The following NETO2 variants were observed in gnomAD, a reference collection of about 807,000 sequenced individuals.
NETO2 encodes the protein neuropilin and tolloid like 2, also known as neuropilin and tolloid-like protein 2.
In NETO2, 28 loss-of-function variants were observed where a neutral mutation model predicts 62.5. That is an observed-to-expected ratio of 0.45 (90% CI 0.33 to 0.61). The LOEUF (loss-of-function observed/expected upper bound fraction) is 0.61. Ranked by LOEUF, NETO2 falls within the 20% of genes least tolerant of loss-of-function variation. The pLI is 0.02. For synonymous variants in NETO2, 214 were observed against 219.1 expected (o/e 0.98, Z 0.21); for missense variants, 548 against 643.2 (o/e 0.85, Z 1.60).
chr16:47,079,374 T>A lies in NETO2; in HGVS notation c.*3847A>T. 6.6e-6 allele frequency: 1 copy of A among 150,736 alleles called. No homozygotes were observed. 9.3% of individuals were successfully genotyped at this position (150,736 alleles called of 1,614,324 possible). ...ACTTTGGGAGGCCGAGGCGGGTGGA[T>A]CACGAGGTCAGGAGATTGAGACTAT... On this transcript the variant is annotated 3_prime_UTR_variant, in exon 9 of 9. Coordinates refer to ENST00000562435, the MANE Select transcript of NETO2 (RefSeq NM_018092.5).
At position 47,128,419 on chromosome 16, in the gene NETO2, T is replaced by G; in HGVS notation, c.387A>C (p.Leu129Phe). ...ACATGAATCTCCCTGTTGATCTAAT[T>G]AATGGAGGGCTTTTCACGCCACAGT... Reference protein sequence around the residue: ...DRYCGVKSPPLIRSTGRFMWI... With the variant: ...DRYCGVKSPPFIRSTGRFMWI... Residue 129 changes from leucine (L) to phenylalanine (F), a missense_variant, in exon 4 of 9, where the codon TTA (leucine) becomes TTC (phenylalanine). Transcript: ENST00000562435. The G allele has an allele frequency of 1.2e-6, 2 of 1,614,076 alleles. No individual in the cohort carries two copies. Among genetic ancestry groups the G allele is most frequent in the East Asian group, 4.5e-5 (2 of 44,858 alleles).
Position 47,124,467 on chromosome 16 carries a change from A to G in NETO2, c.482-1555T>C, listed in dbSNP as rs142228666. Among the ~76,000 whole-genome samples the G allele has an allele frequency of 1.2e-3, 188 of 152,312 alleles. 3 individuals carry two copies. Among genetic ancestry groups the G allele is most frequent in the East Asian group, 7.7e-4 (4 of 5,192 alleles). ...AAAAATGAACTTCTCACCATTGTTAATAGGTTTCTTCCAGATTTACCACCT... is the reference window on the plus strand; with the variant it reads ...AAAAATGAACTTCTCACCATTGTTAGTAGGTTTCTTCCAGATTTACCACCT... On this transcript the variant is annotated intron_variant, in intron 4 of 8. Coordinates refer to ENST00000562435, the MANE Select transcript of NETO2 (RefSeq NM_018092.5).
At chr16:47,105,112 G>C (rs1334153584) in intron 7 of NETO2, among the ~76,000 whole-genome samples, 1 of 151,694 alleles carries the variant, frequency 6.6e-6, no homozygotes, top group Non-Finnish European at 1.5e-5. Context: ...TGCCTAGGCT[G>C]GTCTCAAACT....
intron 7 of NETO2, among the ~76,000 whole-genome samples, chr16:47,096,727 A>C (rs1470452036): frequency 6.6e-6 from 1 of 152,252 alleles, no homozygotes; most frequent in African/African-American, 2.4e-5. Flanking sequence ...AATTAACACC[A>C]ATCAGTTGAT....
chr16:47,129,167 A>G, intron 3 of NETO2, 57 bp downstream of exon 3: 3 of 1,531,268 alleles, frequency 2.0e-6, no homozygotes, highest in Non-Finnish European at 2.7e-6. Context: ...TTTTACCAAC[A>G]TATTTAGTTT....
At chr16:47,129,130 T>G in intron 3 of NETO2, 94 bp downstream of exon 3, 1 of 1,154,320 alleles carries the variant, frequency 8.7e-7, no homozygotes, top group East Asian at 2.4e-5. Flanking sequence ...ATGTTTAAAT[T>G]TCATTCAAAC....
intron 7 of NETO2, among the ~76,000 whole-genome samples, chr16:47,087,850 T>C (rs1353975664): frequency 2.0e-5 from 3 of 152,172 alleles, no homozygotes; most frequent in African/African-American, 7.2e-5. Flanking sequence ...CTCCTGTGTG[T>C]TCCTATCACA....
intron 1 of NETO2, among the ~76,000 whole-genome samples, chr16:47,137,621 C>G (rs1004364833): frequency 2.6e-5 from 4 of 152,212 alleles, no homozygotes; most frequent in Non-Finnish European, 4.4e-5. Context: ...TGCCAGGGAC[C>G]TTGGACCTCT....
chr16:47,129,334 G>A lies in NETO2; in HGVS notation c.122C>T (p.Pro41Leu). The A allele has an allele frequency of 1.2e-6, 2 of 1,613,956 alleles. No homozygotes were observed. Among genetic ancestry groups the A allele is most frequent in the Non-Finnish European group, 1.7e-6 (2 of 1,179,940 alleles). ...AACCCAAATGCCACACTGGGTTGCA[G>A]GAATATGCTTGATTCCAATATTTTG... ...DGQNIGIKHI[P>L]ATQCGIWVRT... Residue 41 changes from proline (P) to leucine (L), a missense_variant, in exon 3 of 9, where the codon CCT (proline) becomes CTT (leucine). Physicochemically the swap from Pro to Leu is moderately conservative, Grantham distance 98 (BLOSUM62 -3). Transcript: ENST00000562435.
At position 47,128,721 on chromosome 16, in the gene NETO2, A is replaced by T. The variant is rs1023202042; in HGVS notation, c.233-148T>A. On this transcript the variant is annotated intron_variant, in intron 3 of 8. Transcript: ENST00000562435. Reference sequence around the variant, plus strand: ...AGAATTGCTATACAAGTCATGATAAATGTATCTTACATTAAAAATAATGCT... The same window carrying T: ...AGAATTGCTATACAAGTCATGATAATTGTATCTTACATTAAAAATAATGCT... The T allele has an allele frequency of 1.8e-5, 15 of 828,064 alleles. No homozygotes were observed. In the South Asian group the frequency reaches 2.5e-4, roughly 14 times the overall value. 51.3% of individuals were successfully genotyped at this position (828,064 alleles called of 1,614,324 possible).
chr16:47,133,982 C>A (rs1964320894), intron 1 of NETO2, among the ~76,000 whole-genome samples: 2 of 152,000 alleles, frequency 1.3e-5, no homozygotes, highest in Admixed American at 1.3e-4. Flanking sequence ...GTTTGCATTA[C>A]CATCTTTGAA....
chr16:47,136,594 C>T (rs1287426486), intron 1 of NETO2, among the ~76,000 whole-genome samples: 2 of 151,966 alleles, frequency 1.3e-5, no homozygotes, highest in South Asian at 2.1e-4. Context: ...TTAGTAGAGA[C>T]GGGGTTTCAC....
intron 2 of NETO2, among the ~76,000 whole-genome samples, chr16:47,131,682 A>G (rs1964268926): frequency 6.6e-6 from 1 of 152,220 alleles, no homozygotes; most frequent in Non-Finnish European, 1.5e-5. Flanking sequence ...ATTTTTGCTT[A>G]GTGATAAAAT....
chr16:47,104,989 G>A (rs536573991), intron 7 of NETO2, among the ~76,000 whole-genome samples: 63 of 152,016 alleles, frequency 4.1e-4, no homozygotes, highest in Middle Eastern at 3.4e-3. Flanking sequence ...CAAAGTGCTC[G>A]GATAACAGGC....
intron 7 of NETO2, among the ~76,000 whole-genome samples, chr16:47,095,887 T>C (rs1365438731): frequency 1.3e-5 from 2 of 152,182 alleles, no homozygotes; most frequent in Non-Finnish European, 2.9e-5. Flanking sequence ...AGACAGTCTC[T>C]AGAATAGACT....
intron 8 of NETO2, among the ~76,000 whole-genome samples, chr16:47,085,255 T>C (rs965262316): frequency 6.6e-6 from 1 of 152,250 alleles, no homozygotes; most frequent in Non-Finnish European, 1.5e-5. Context: ...TTTTATTAAA[T>C]AGTGTTTCCA....
chr16:47,130,961 A>G (rs980527972), intron 2 of NETO2, among the ~76,000 whole-genome samples: 1 of 152,150 alleles, frequency 6.6e-6, no homozygotes, highest in Admixed American at 6.6e-5. Context: ...AAAGATGGAA[A>G]ACAGAAGAGC....
chr16:47,089,696 G>A (rs1014213935), intron 7 of NETO2, among the ~76,000 whole-genome samples: 9 of 152,140 alleles, frequency 5.9e-5, no homozygotes, highest in Non-Finnish European at 1.3e-4. Flanking sequence ...GCTGGGGAGT[G>A]TATGGTGGTG....
chr16:47,098,013 A>G (rs1963463875), intron 7 of NETO2, among the ~76,000 whole-genome samples: 1 of 152,206 alleles, frequency 6.6e-6, no homozygotes, highest in East Asian at 1.9e-4. Flanking sequence ...CATAAACCAC[A>G]TCCAAAGGTC....
Sources: allele counts gnomAD v4.1 joint callset (sites outside exome capture counted in the v4.1 genomes callset), GRCh38; gene constraint gnomAD v4.1.1; transcripts MANE v1.5; gene names NCBI Gene and HGNC (gene_info 2026-07-23, HGNC 2026-07-21).